Variants in COLGALT1 observed in about 807,000 individuals in gnomAD.
COLGALT1 encodes procollagen galactosyltransferase 1.
Under a neutral mutation model 60.8 loss-of-function variants are expected in COLGALT1, and 43 were observed. That is an observed-to-expected ratio of 0.71 (90% confidence interval 0.55 to 0.91). COLGALT1 has a LOEUF of 0.91. Ranked by LOEUF, COLGALT1 falls within the 40% of genes least tolerant of loss-of-function variation. The pLI, the probability that COLGALT1 is intolerant of heterozygous loss-of-function variation, is 0.00. For synonymous variants in COLGALT1, 369 were observed against 374.2 expected (o/e 0.99, Z 0.16); for missense variants, 845 against 880.0 (o/e 0.96, Z 0.50).
chr19:17,561,931 C>T (rs948513643), intron 3 of COLGALT1, among the ~76,000 whole-genome samples: 1 of 152,114 alleles, frequency 6.6e-6, no homozygotes, highest in African/African-American at 2.4e-5. Context: ...AGTGCAGTGG[C>T]ACAATCTCGG....
Position 17,568,708 on chromosome 19 carries a change from A to C in COLGALT1, c.824A>C (p.Gln275Pro). 1 of 1,614,136 alleles carries C rather than the reference A, an allele frequency of 6.2e-7. No homozygotes were observed. Among genetic ancestry groups the C allele is most frequent in the Non-Finnish European group, 8.5e-7 (1 of 1,180,004 alleles). Residue 275 changes from glutamine to proline, a missense_variant, in exon 5 of 12, where the codon CAG (glutamine) becomes CCG (proline). By Grantham distance (76) the Gln-to-Pro change is moderately conservative (BLOSUM62 -1). Transcript: ENST00000252599. ...ATCGTCTTTGCCTTCTCCTGCAAGC[A>C]GGCAGGTACGTACATGAGGGGTCTG... The part of the protein sequence containing the change: ...DIIVFAFSCK[Q>P]AEVQMYVCNK...
chr19:17,569,815 C>T (rs2076301273), intron 5 of COLGALT1, among the ~76,000 whole-genome samples: 2 of 151,654 alleles, frequency 1.3e-5, no homozygotes, highest in South Asian at 4.2e-4. Context: ...ACAGCACAGC[C>T]TCATGTTGAC....
At chr19:17,561,949 C>T (rs536067893) in intron 3 of COLGALT1, among the ~76,000 whole-genome samples, 2 of 152,160 alleles carry the variant, frequency 1.3e-5, no homozygotes, top group Non-Finnish European at 2.9e-5. Context: ...CGGCTCACTG[C>T]AGCCTCCTCC....
intron 10 of COLGALT1, 177 bp from the exon 11 acceptor site, chr19:17,580,522 C>A: frequency 1.6e-6 from 1 of 634,636 alleles, no homozygotes; most frequent in Non-Finnish European, 2.7e-6. Context: ...ACTCTTCTCC[C>A]CCATGACCGC....
chr19:17,577,015 T>C (rs947934161), intron 6 of COLGALT1, 180 bp from the exon 7 acceptor site: 15 of 400,600 alleles, frequency 3.7e-5, no homozygotes, highest in Non-Finnish European at 5.0e-5. Context: ...TGGGCTGCTG[T>C]GCAGGGTTCA....
At chr19:17,560,487 A>G (rs768944393) in intron 3 of COLGALT1, 22 bp downstream of exon 3, 16 of 1,595,760 alleles carry the variant, frequency 1.0e-5, no homozygotes, top group African/African-American at 1.3e-5. Context: ...AGCCGGCCGG[A>G]TATGGATCAC....
rs752315843 is a variant in COLGALT1, at chr19:17,560,385, G to T, written c.409G>T (p.Asp137Tyr). The T allele has an allele frequency of 2.5e-5, 40 of 1,613,976 alleles. No individual in the cohort carries two copies. Among genetic ancestry groups the T allele is most frequent in the Non-Finnish European group, 3.2e-5 (38 of 1,180,012 alleles). The change falls in exon 3 of 12, where the codon GAC becomes TAC. Residue 137 changes from aspartate (D) to tyrosine (Y), a missense_variant. By Grantham distance (160) the Asp-to-Tyr change is radical (BLOSUM62 -3). Transcript: ENST00000252599. The part of the protein sequence containing the change: ...PDEEGPKHWS[D>Y]SRYEHVMKLR... ...CGAGGAAGGCCCGAAACACTGGTCTGACTCACGCTACGAGCATGTCATGAA... is the reference window on the plus strand; with the variant it reads ...CGAGGAAGGCCCGAAACACTGGTCTTACTCACGCTACGAGCATGTCATGAA...
Position 17,560,453 on chromosome 19 carries a change from T to G in COLGALT1, c.477T>G (p.Ala159=), listed in dbSNP as rs2076242302. The G allele has an allele frequency of 6.2e-7, 1 of 1,613,956 alleles. No individual in the cohort carries two copies. Among genetic ancestry groups the G allele is most frequent in the Admixed American group, 1.7e-5 (1 of 59,992 alleles). Residue 159 remains alanine, a synonymous_variant, in exon 3 of 12, where the codon GCT becomes GCG. Transcript: ENST00000252599. ...TGAAATCAGCTCGAGACATGTGGGC[T>G]GATTACATCCTGGTAAGTTTCTCAG... The part of the protein sequence containing the change: ...AALKSARDMW[A]DYILFVDADN...
chr19:17,577,386 G>T lies in COLGALT1; in HGVS notation c.1052G>T (p.Arg351Leu), dbSNP rs886951770. The stretch of plus-strand genomic sequence containing the variant: ...GTCTTCATGATCAACCTGAGGCGGC[G>T]GCAGGACCGGCGGGAGCGCATGCTG... ...DEVFMINLRR[R>L]QDRRERMLRA... is the part of the protein sequence containing the mutation. Residue 351 changes from arginine to leucine, a missense_variant, in exon 8 of 12, where the codon CGG becomes CTG. Arg to Leu is a moderately radical substitution (Grantham distance 102). Coordinates refer to ENST00000252599, the MANE Select transcript of COLGALT1 (RefSeq NM_024656.4). 2.5e-6 allele frequency: 4 copies of T among 1,592,984 alleles called. No homozygotes were observed. The highest frequency in any genetic ancestry group is 3.4e-6 in the Non-Finnish European group (4 of 1,172,708).
chr19:17,581,585 A>G lies in COLGALT1; in HGVS notation c.*141A>G. On this transcript the variant is annotated 3_prime_UTR_variant, in exon 12 of 12. Transcript: ENST00000252599. ...GGTGGTGTCCAGCCAGCTCTTGCTA[A>G]GCAATCACGTGCACACAGGCAGCAT... 1.8e-6 allele frequency: 2 copies of G among 1,113,360 alleles called. No homozygotes were observed. Among genetic ancestry groups the G allele is most frequent in the Middle Eastern group, 2.5e-4 (1 of 4,056 alleles). The allele number at this position is 1,113,360 out of a possible 1,614,324, so 69.0% of individuals were successfully genotyped here.
intron 8 of COLGALT1, 129 bp from the exon 9 acceptor site, chr19:17,577,828 G>C (rs1025937583): frequency 5.2e-5 from 66 of 1,280,476 alleles, no homozygotes; most frequent in Non-Finnish European, 6.9e-5. Flanking sequence ...CCATGTGCCC[G>C]GAAGGGGTGC....
intron 9 of COLGALT1, 85 bp from the exon 10 acceptor site, chr19:17,579,397 C>A: frequency 6.3e-7 from 1 of 1,585,008 alleles, no homozygotes; most frequent in Non-Finnish European, 8.6e-7. Context: ...ACGGGTCTTT[C>A]AAACCTTCTC....
intron 8 of COLGALT1, 68 bp from the exon 9 acceptor site, chr19:17,577,889 A>C: frequency 6.5e-6 from 10 of 1,539,748 alleles, no homozygotes; most frequent in Non-Finnish European, 7.9e-6. Flanking sequence ...GGGTGGTGGA[A>C]TGGCCGGGGA....
chr19:17,581,860 G>A lies in COLGALT1; in HGVS notation c.*416G>A, dbSNP rs1171410129. 1 of 193,774 alleles carries A rather than the reference G, an allele frequency of 5.2e-6. No individual in the cohort carries two copies. The highest frequency in any genetic ancestry group is 1.1e-5 in the Non-Finnish European group (1 of 92,766). The allele number at this position is 193,774 out of a possible 1,614,324, so 12.0% of individuals were successfully genotyped here. A position where few individuals can be genotyped will look rare whatever the true frequency, so the allele number is the denominator to read the frequency against. On this transcript the variant is annotated 3_prime_UTR_variant, in exon 12 of 12. Transcript: ENST00000252599. The stretch of plus-strand genomic sequence containing the variant: ...ACATTCATTTTTAAAATTCATTCAA[G>A]GATTTATTGAGTGCCTACTGTGTGT...
chr19:17,562,937 G>A (rs577070384), intron 3 of COLGALT1, among the ~76,000 whole-genome samples: 4 of 152,208 alleles, frequency 2.6e-5, no homozygotes, highest in Non-Finnish European at 4.4e-5. Flanking sequence ...TATAGGTGAG[G>A]AAACAGGCTG....
intron 6 of COLGALT1, 129 bp from the exon 7 acceptor site, chr19:17,577,066 G>A (rs1262814556): frequency 3.3e-5 from 27 of 811,322 alleles, no homozygotes; most frequent in Non-Finnish European, 5.4e-5. Flanking sequence ...CGCTGATGTG[G>A]GCGGAGCCAG....
intron 9 of COLGALT1, among the ~76,000 whole-genome samples, chr19:17,578,301 A>T (rs1208088777): frequency 6.6e-6 from 1 of 152,094 alleles, no homozygotes; most frequent in East Asian, 1.9e-4. Flanking sequence ...CAAATGTGGA[A>T]ACTGAGCCTG....
chr19:17,581,632 C>A lies in COLGALT1; in HGVS notation c.*188C>A. 1.3e-6 allele frequency: 1 copy of A among 741,520 alleles called. No individual in the cohort carries two copies. The highest frequency in any genetic ancestry group is 2.1e-6 in the Non-Finnish European group (1 of 466,986). 45.9% of individuals were successfully genotyped at this position (741,520 alleles called of 1,614,324 possible). On this transcript the variant is annotated 3_prime_UTR_variant, in exon 12 of 12. Transcript: ENST00000252599. ...GCATTAATGGAGTGCCTACTGCATG[C>A]CAGCAACAGGGCTTGGCCCTGGGGA...
intron 3 of COLGALT1, among the ~76,000 whole-genome samples, chr19:17,562,193 A>C (rs535965920): frequency 6.6e-6 from 1 of 152,216 alleles, no homozygotes; most frequent in Admixed American, 6.5e-5. Context: ...ACAAACAAAC[A>C]AAAAGCAGAA....
Sources: allele counts gnomAD v4.1 joint callset (sites outside exome capture counted in the v4.1 genomes callset), GRCh38; gene constraint gnomAD v4.1.1; transcripts MANE v1.5; gene names NCBI Gene and HGNC (gene_info 2026-07-23, HGNC 2026-07-21).